The following PTPRG variants were observed in gnomAD, a reference collection of about 807,000 sequenced individuals.
PTPRG encodes the protein protein tyrosine phosphatase receptor type G.
Under a neutral mutation model 165.3 loss-of-function variants are expected in PTPRG, and 102 were observed. That is an observed-to-expected ratio of 0.62 (90% CI 0.53 to 0.73). The LOEUF is 0.73. PTPRG is among the 30% of genes least tolerant of loss of function. The pLI, the probability that PTPRG is intolerant of heterozygous loss-of-function variation, is 0.00. For missense variants in PTPRG, 1,866 were observed against 1,861.4 expected (o/e 1.00, Z -0.05); for synonymous variants, 675 against 669.5 (o/e 1.01, Z -0.13).
At chr3:62,225,901 G>A (rs189502313) in intron 13 of PTPRG, among the ~76,000 whole-genome samples, 62 of 152,090 alleles carry the variant, frequency 4.1e-4, no homozygotes, top group African/African-American at 1.3e-3. Flanking sequence ...TGATCCACCC[G>A]CCTCTGTCTC....
rs185826820 is a variant in PTPRG, at chr3:62,018,860, C to T, written c.519+15363C>T. Reference sequence around the variant, plus strand: ...GAGGAAGCATTAGGTATAGAAGGCACGCTGGATTTATGACAGACAGTAAGT... The same window carrying T: ...GAGGAAGCATTAGGTATAGAAGGCATGCTGGATTTATGACAGACAGTAAGT... On this transcript the variant is annotated intron_variant, in intron 4 of 29. Transcript: ENST00000474889. Among the ~76,000 whole-genome samples, 413 of 152,240 alleles carry T rather than the reference C, an allele frequency of 2.7e-3. 3 individuals carry two copies. Among genetic ancestry groups the T allele is most frequent in the African/African-American group, 9.5e-3 (394 of 41,536 alleles).
chr3:61,701,454 A>G (rs1383150768), intron 1 of PTPRG, among the ~76,000 whole-genome samples: 2 of 152,202 alleles, frequency 1.3e-5, no homozygotes, highest in African/African-American at 4.8e-5. Context: ...CTACTTTCAT[A>G]TGATTATAAT....
intron 2 of PTPRG, among the ~76,000 whole-genome samples, chr3:61,784,132 C>T (rs2034624528): frequency 6.6e-6 from 1 of 152,126 alleles, no homozygotes; most frequent in Non-Finnish European, 1.5e-5. Flanking sequence ...GACCTAAGAG[C>T]AGTGGGTGAG....
intron 1 of PTPRG, among the ~76,000 whole-genome samples, chr3:61,618,967 T>C (rs1234106382): frequency 1.9e-5 from 2 of 105,472 alleles, no homozygotes; most frequent in Admixed American, 1.3e-4. Context: ...CATAGTGAGA[T>C]CCTGTCTCAA....
chr3:61,633,624 A>G (rs964751235), intron 1 of PTPRG, among the ~76,000 whole-genome samples: 10 of 152,182 alleles, frequency 6.6e-5, no homozygotes, highest in African/African-American at 2.2e-4. Context: ...AGATTATGTC[A>G]TTTGCAAATA....
chr3:61,949,970 T>G (rs897960812), intron 2 of PTPRG, among the ~76,000 whole-genome samples: 4 of 152,102 alleles, frequency 2.6e-5, no homozygotes, highest in African/African-American at 7.2e-5. Context: ...ATGGTCTCAA[T>G]CTCTTGACCT....
At chr3:62,136,384 A>G (rs567044901) in intron 6 of PTPRG, among the ~76,000 whole-genome samples, 1 of 152,302 alleles carries the variant, frequency 6.6e-6, no homozygotes, top group East Asian at 1.9e-4. Context: ...AAGAGTGCAT[A>G]GAGATTATCC....
intron 2 of PTPRG, among the ~76,000 whole-genome samples, chr3:61,886,998 CATCTTGTGTGCGCTACTAAT>C (rs2038054899): frequency 6.6e-6 from 1 of 150,798 alleles, no homozygotes; most frequent in Non-Finnish European, 1.5e-5. Context: ...ACCAGTGAAG[CATCTTGTGTGCGCTACTAAT>C]ATCTTGTGTG....
At chr3:61,995,490 G>A (rs921139609) in intron 3 of PTPRG, among the ~76,000 whole-genome samples, 1 of 152,046 alleles carries the variant, frequency 6.6e-6, no homozygotes, top group African/African-American at 2.4e-5. Context: ...ATCCAACAGT[G>A]GCATGGTTGC....
intron 1 of PTPRG, among the ~76,000 whole-genome samples, chr3:61,590,986 T>C (rs1700554746): frequency 6.6e-6 from 1 of 152,178 alleles, no homozygotes; most frequent in Non-Finnish European, 1.5e-5. Flanking sequence ...GGTGCATGCC[T>C]GTAATCCCAG....
rs547764807 is a variant in PTPRG at position 61,747,314 on chromosome 3, G to A, written c.86-1564G>A. 7.2e-5 allele frequency among the ~76,000 whole-genome samples: 11 copies of A among 152,156 alleles called. No homozygotes were observed. In the South Asian group the frequency reaches 2.3e-3, roughly 32 times the overall value. On this transcript the variant is annotated intron_variant, in intron 1 of 29. Transcript: ENST00000474889. ...TTTATTACTAACATAGCAAGACAGT[G>A]TTTTACTCACTGTTTTGATGGAAAG...
chr3:62,257,615 C>A lies in PTPRG; in HGVS notation c.2559+2400C>A, dbSNP rs376960855. Among the ~76,000 whole-genome samples, 6 of 152,240 alleles carry A rather than the reference C, an allele frequency of 3.9e-5. 1 individual carries two copies. The highest frequency in any genetic ancestry group is 1.2e-4 in the African/African-American group (5 of 41,544). On this transcript the variant is annotated intron_variant, in intron 16 of 29. Transcript: ENST00000474889. The stretch of plus-strand genomic sequence containing the variant: ...TAGGGTTTAAGACCAGGGTATCTGA[C>A]TTGAACCCACATGGTTCACCTTGAC...
At chr3:62,037,215 C>T (rs907131647) in intron 4 of PTPRG, among the ~76,000 whole-genome samples, 4 of 152,056 alleles carry the variant, frequency 2.6e-5, no homozygotes, top group Admixed American at 6.5e-5. Context: ...GGTGGCTGGC[C>T]CCATAGGTCA....
At chr3:61,903,138 C>T (rs1406871694) in intron 2 of PTPRG, among the ~76,000 whole-genome samples, 1 of 152,184 alleles carries the variant, frequency 6.6e-6, no homozygotes, top group Admixed American at 6.5e-5. Flanking sequence ...TCCCCTCTCC[C>T]TTTATCTGTC....
intron 1 of PTPRG, among the ~76,000 whole-genome samples, chr3:61,676,190 G>T (rs182134419): frequency 2.2e-3 from 342 of 152,102 alleles, no homozygotes; most frequent in Non-Finnish European, 4.0e-3. Context: ...GGGCACAGTG[G>T]CTCACGCCTG....
chr3:62,212,683 CA>C (rs1224066619), intron 12 of PTPRG, among the ~76,000 whole-genome samples: 1 of 152,118 alleles, frequency 6.6e-6, no homozygotes, highest in African/African-American at 2.4e-5. Context: ...ACGACTGTGG[CA>C]AACCAGTGAG....
At chr3:61,797,448 C>T (rs1304294243) in intron 2 of PTPRG, among the ~76,000 whole-genome samples, 5 of 151,836 alleles carry the variant, frequency 3.3e-5, no homozygotes, top group East Asian at 1.9e-4. Flanking sequence ...AACCTTTTTC[C>T]GTAATAACTA....
chr3:62,243,819 G>C lies in PTPRG; in HGVS notation c.2388G>C (p.Gln796His), dbSNP rs755945049. ...CTTTTCTACACAGAAAATGTTTTCA[G>C]ACTGCTCATTTCTATGTGGAAGACA... is the stretch of plus-strand genomic sequence containing the variant. ...RGEKGSRKCF[Q>H]TAHFYVEDSS... is the part of the protein sequence containing the mutation. Residue 796 changes from glutamine to histidine, a missense_variant, in exon 15 of 30, where the codon CAG becomes CAC. Gln to His is a conservative substitution (Grantham distance 24). Coordinates refer to ENST00000474889, the MANE Select transcript of PTPRG (RefSeq NM_002841.4). 6 of 1,585,752 alleles carry C rather than the reference G, an allele frequency of 3.8e-6. No homozygotes were observed. The highest frequency in any genetic ancestry group is 2.6e-6 in the Non-Finnish European group (3 of 1,156,264).
chr3:62,020,261 C>G (rs564144722), intron 4 of PTPRG, among the ~76,000 whole-genome samples: 1 of 152,106 alleles, frequency 6.6e-6, no homozygotes, highest in East Asian at 1.9e-4. Flanking sequence ...TCTAATTTTC[C>G]TACTTGTACC....
Sources: allele counts gnomAD v4.1 joint callset (sites outside exome capture counted in the v4.1 genomes callset), GRCh38; gene constraint gnomAD v4.1.1; transcripts MANE v1.5; gene names NCBI Gene and HGNC (gene_info 2026-07-23, HGNC 2026-07-21).